GABRP: variants seen among roughly 807,000 people sequenced by gnomAD.
GABRP encodes the protein gamma-aminobutyric acid type A receptor subunit pi, also known as gamma-aminobutyric acid receptor subunit pi.
GABRP carries 52 observed loss-of-function variants against 47.8 expected under a neutral mutation model. That is an observed-to-expected ratio of 1.09 (90% CI 0.87 to 1.37). The LOEUF (loss-of-function observed/expected upper bound fraction) is 1.37, where lower values mean the gene tolerates loss of function less well. Among genes scored for constraint, GABRP ranks in the 40% most tolerant of loss-of-function variants. The pLI is 0.00. For synonymous variants in GABRP, 221 were observed against 205.8 expected, an observed-to-expected ratio of 1.07 and a Z score of -0.63; for missense variants, 525 against 542.8, an observed-to-expected ratio of 0.97 and a Z score of 0.33.
chr5:170,808,790 T>C, intron 8 of GABRP, 38 bp downstream of exon 8: 1 of 1,590,900 alleles, frequency 6.3e-7, no homozygotes, highest in South Asian at 1.1e-5. Context: ...AGAACTGGCT[T>C]ATCAGGTTAC....
At chr5:170,803,721 A>G (rs181838368) in intron 6 of GABRP, among the ~76,000 whole-genome samples, 19 of 151,492 alleles carry the variant, frequency 1.3e-4, no homozygotes, top group African/African-American at 4.6e-4. Flanking sequence ...GATATTTCTT[A>G]TAAATGGAAT....
intron 5 of GABRP, 106 bp from the exon 6 acceptor site, chr5:170,797,360 A>G: frequency 1.4e-6 from 1 of 734,530 alleles, no homozygotes; most frequent in South Asian, 1.6e-5. Context: ...CTACATGTTC[A>G]TTTAAGAGTT....
chr5:170,799,015 G>A (rs1381195604), intron 6 of GABRP, among the ~76,000 whole-genome samples: 4 of 143,922 alleles, frequency 2.8e-5, no homozygotes, highest in South Asian at 4.3e-4. Flanking sequence ...CCACCTATGA[G>A]TGAGAACATG....
intron 7 of GABRP, among the ~76,000 whole-genome samples, chr5:170,807,921 C>G (rs1765779238): frequency 6.6e-6 from 1 of 152,158 alleles, no homozygotes; most frequent in Admixed American, 6.5e-5. Flanking sequence ...ATTCATGCAT[C>G]CACACCAGTG....
rs1327194775 is a variant in GABRP at position 170,812,105 on chromosome 5, G to A, written c.1170G>A (p.Lys390=). ...ACTTGACAATGAAAACCAGCGACAA[G>A]TTCAAGTTTGTCTTCCGAGAAAAGA... ...YSDLTMKTSD[K]FKFVFREKMG... The change falls in exon 10 of 10, where the codon AAG becomes AAA. Residue 390 remains lysine (K), a synonymous_variant. Coordinates refer to ENST00000265294, the MANE Select transcript of GABRP (RefSeq NM_014211.3). 6.2e-6 allele frequency: 10 copies of A among 1,614,046 alleles called. No individual in the cohort carries two copies. The highest frequency in any genetic ancestry group is 8.5e-6 in the Non-Finnish European group (10 of 1,180,022).
At chr5:170,794,443 G>A (rs1765368525) in intron 4 of GABRP, 145 bp downstream of exon 4, 1 of 459,794 alleles carries the variant, frequency 2.2e-6, no homozygotes. Context: ...AAGCTGGAGT[G>A]CTATCTCCAA....
intron 3 of GABRP, among the ~76,000 whole-genome samples, chr5:170,792,301 G>C (rs931777902): frequency 6.6e-6 from 1 of 152,050 alleles, no homozygotes; most frequent in Non-Finnish European, 1.5e-5. Context: ...ACATTAGCTG[G>C]GCATGGTGGT....
At chr5:170,808,146 C>T (rs1194106554) in intron 7 of GABRP, among the ~76,000 whole-genome samples, 1 of 152,176 alleles carries the variant, frequency 6.6e-6, no homozygotes, top group African/African-American at 2.4e-5. Flanking sequence ...TCTGGGGTGC[C>T]TCTGAAATCA....
intron 6 of GABRP, among the ~76,000 whole-genome samples, chr5:170,800,270 G>A (rs973892905): frequency 2.0e-5 from 3 of 152,152 alleles, no homozygotes; most frequent in Non-Finnish European, 2.9e-5. Flanking sequence ...AAATGGTGCT[G>A]GGAAAACTGG....
intron 7 of GABRP, 28 bp from the exon 8 acceptor site, chr5:170,808,572 A>G (rs370403299): frequency 6.2e-7 from 1 of 1,606,168 alleles, no homozygotes; most frequent in African/African-American, 1.3e-5. Flanking sequence ...AACAGACACA[A>G]TTTCCTATCT....
At chr5:170,794,036 A>G (rs1012355688) in intron 3 of GABRP, among the ~76,000 whole-genome samples, 195 bp from the exon 4 acceptor site, 1 of 152,190 alleles carries the variant, frequency 6.6e-6, no homozygotes. Context: ...CATACAAAAG[A>G]GAGGCACACC....
intron 4 of GABRP, 89 bp downstream of exon 4, chr5:170,794,387 A>G: frequency 1.2e-6 from 1 of 811,096 alleles, no homozygotes; most frequent in Non-Finnish European, 2.0e-6. Context: ...AAAAAAAAAA[A>G]AAAAAAAAAG....
At chr5:170,786,400 T>G (rs955740054) in intron 1 of GABRP, among the ~76,000 whole-genome samples, 5 of 152,246 alleles carry the variant, frequency 3.3e-5, no homozygotes, top group African/African-American at 1.2e-4. Flanking sequence ...GCAAAACTGT[T>G]CTTCACTGAT....
At chr5:170,790,016 G>A (rs6555918) in intron 3 of GABRP, among the ~76,000 whole-genome samples, 31,380 of 152,006 alleles carry the variant, frequency 0.21, 5,772 homozygotes, top group African/African-American at 0.49. Context: ...AATCATAGCC[G>A]TTCCCATTAT....
intron 2 of GABRP, 100 bp from the exon 3 acceptor site, chr5:170,789,029 T>C: frequency 1.1e-6 from 1 of 871,582 alleles, no homozygotes. Flanking sequence ...GCAAGGCACA[T>C]ACACCCACAC....
chr5:170,789,307 A>G, intron 3 of GABRP, 60 bp downstream of exon 3: 1 of 1,109,466 alleles, frequency 9.0e-7, no homozygotes, highest in Non-Finnish European at 1.3e-6. Flanking sequence ...GACAATAAGC[A>G]GTGGAGGGTT....
chr5:170,809,699 C>A lies in GABRP; in HGVS notation c.964C>A (p.Leu322Ile). The A allele has an allele frequency of 6.2e-7, 1 of 1,612,478 alleles. No homozygotes were observed. Among genetic ancestry groups the A allele is most frequent in the Non-Finnish European group, 8.5e-7 (1 of 1,179,150 alleles). ...ICFSFVFGAL[L>I]EYAVAHYSSL... ...CTTTAGCTTTGTGTTTGGGGCCTTG[C>A]TAGAATATGCAGTTGCTCACTACAG... Residue 322 changes from leucine (L) to isoleucine (I), a missense_variant, in exon 9 of 10, where the codon CTA becomes ATA. Transcript: ENST00000265294.
intron 6 of GABRP, among the ~76,000 whole-genome samples, chr5:170,805,365 T>C (rs1040836700): frequency 6.6e-6 from 1 of 152,206 alleles, no homozygotes; most frequent in Non-Finnish European, 1.5e-5. Context: ...AGAGCTATTA[T>C]ACAATCTTGA....
intron 4 of GABRP, 109 bp downstream of exon 4, chr5:170,794,407 T>C: frequency 1.7e-6 from 1 of 582,456 alleles, no homozygotes; most frequent in East Asian, 3.0e-5. Context: ...GAATGGCTCA[T>C]GGCCCTCCTC....
Sources: gnomAD v4.1 joint callset for allele counts (sites outside exome capture counted in the v4.1 genomes callset) on GRCh38, gnomAD v4.1.1 for gene constraint, MANE v1.5 for transcripts, NCBI Gene and HGNC (gene_info 2026-07-23, HGNC 2026-07-21) for gene names.